Variants in ASCC3 observed in about 807,000 individuals in gnomAD.
ASCC3 encodes ASC-1 complex subunit P200.
A neutral mutation model predicts 256.3 loss-of-function variants in ASCC3; 158 were observed. The observed-to-expected ratio is 0.62, with a 90% CI of 0.54 to 0.70. ASCC3 has a LOEUF of 0.70. Ranked by LOEUF, ASCC3 falls within the 30% of genes least tolerant of loss-of-function variation. The probability of loss-of-function intolerance (pLI) is 0.00; values close to 1 mark genes in which losing one functional copy is unlikely to be tolerated. For synonymous variants in ASCC3, 948 were observed against 883.4 expected, an observed-to-expected ratio of 1.07 and a Z score of -1.30; for missense variants, 2,259 against 2,626.0, an observed-to-expected ratio of 0.86 and a Z score of 3.05.
intron 10 of ASCC3, among the ~76,000 whole-genome samples, chr6:100,735,751 A>G (rs1480910839): frequency 1.3e-5 from 2 of 152,202 alleles, no homozygotes; most frequent in Non-Finnish European, 2.9e-5. Context: ...ATTAAGTAAA[A>G]AAGACATAGT....
At chr6:100,782,922 G>C (rs948180245) in intron 8 of ASCC3, among the ~76,000 whole-genome samples, 2 of 151,884 alleles carry the variant, frequency 1.3e-5, no homozygotes, top group South Asian at 4.1e-4. Flanking sequence ...AAAGAAGTCA[G>C]GGACCTGGGA....
chr6:100,834,744 T>C (rs757540976), intron 4 of ASCC3, among the ~76,000 whole-genome samples: 3 of 152,138 alleles, frequency 2.0e-5, no homozygotes, highest in Non-Finnish European at 2.9e-5. Flanking sequence ...TTCAAAAATA[T>C]ATAATTATCA....
intron 37 of ASCC3, chr6:100,530,483 C>T (rs1370284045): frequency 1.3e-6 from 1 of 790,646 alleles, no homozygotes; most frequent in Admixed American, 1.7e-5. Flanking sequence ...AACAACTGTA[C>T]AATAGAGACA....
chr6:100,840,400 TCA>T (rs1772081879), intron 4 of ASCC3, among the ~76,000 whole-genome samples: 1 of 150,962 alleles, frequency 6.6e-6, no homozygotes, highest in Admixed American at 6.6e-5. Context: ...TGGTCATGAC[TCA>T]CTAAAGCCTC....
intron 36 of ASCC3, among the ~76,000 whole-genome samples, chr6:100,565,248 C>A (rs927861577): frequency 1.3e-5 from 2 of 152,052 alleles, no homozygotes; most frequent in Non-Finnish European, 2.9e-5. Context: ...AATGGGTTCC[C>A]GACTGTTTTG....
chr6:100,763,315 A>C (rs1293759017), intron 10 of ASCC3, among the ~76,000 whole-genome samples: 3 of 152,214 alleles, frequency 2.0e-5, no homozygotes, highest in Non-Finnish European at 4.4e-5. Context: ...CAATTAATAA[A>C]CTATTTCTGA....
intron 34 of ASCC3, among the ~76,000 whole-genome samples, chr6:100,598,481 C>A (rs989192384): frequency 9.2e-6 from 1 of 109,042 alleles, no homozygotes; most frequent in African/African-American, 3.3e-5. Flanking sequence ...AATTAATAAA[C>A]CTCTTAAGAT....
chr6:100,688,661 AT>A (rs1293490200), intron 13 of ASCC3, among the ~76,000 whole-genome samples: 1 of 152,090 alleles, frequency 6.6e-6, no homozygotes, highest in East Asian at 1.9e-4. Flanking sequence ...ATTTTTGACT[AT>A]TTTTGTGCTT....
intron 36 of ASCC3, among the ~76,000 whole-genome samples, chr6:100,546,288 C>G (rs1775713960): frequency 2.0e-5 from 3 of 152,048 alleles, no homozygotes; most frequent in African/African-American, 7.2e-5. Context: ...CTTAATTCTC[C>G]CAAATTGATC....
At chr6:100,627,195 A>G (rs1278840339) in intron 29 of ASCC3, among the ~76,000 whole-genome samples, 1 of 152,094 alleles carries the variant, frequency 6.6e-6, no homozygotes, top group Non-Finnish European at 1.5e-5. Flanking sequence ...AAAACTAAAA[A>G]CAGAAGCACT....
intron 37 of ASCC3, among the ~76,000 whole-genome samples, chr6:100,518,851 G>A (rs1774163532): frequency 6.6e-6 from 1 of 152,154 alleles, no homozygotes; most frequent in African/African-American, 2.4e-5. Context: ...TCTGGAGAAT[G>A]CTGACTTAAA....
intron 4 of ASCC3, among the ~76,000 whole-genome samples, chr6:100,825,664 G>A (rs542514701): frequency 5.9e-4 from 90 of 152,170 alleles, no homozygotes; most frequent in African/African-American, 2.2e-3. Context: ...GCTAGGTTGG[G>A]GAAGTTCTCC....
At chr6:100,518,495 A>G (rs980529944) in intron 37 of ASCC3, among the ~76,000 whole-genome samples, 1 of 152,176 alleles carries the variant, frequency 6.6e-6, no homozygotes, top group African/African-American at 2.4e-5. Context: ...GAACATTAGC[A>G]GCTGAATTTA....
intron 8 of ASCC3, among the ~76,000 whole-genome samples, chr6:100,785,838 T>A (rs1769046257): frequency 6.6e-6 from 1 of 152,174 alleles, no homozygotes; most frequent in Admixed American, 6.6e-5. Context: ...AGATGGACCT[T>A]AGAAATATAC....
At chr6:100,553,802 A>G (rs1769425181) in intron 36 of ASCC3, among the ~76,000 whole-genome samples, 1 of 152,218 alleles carries the variant, frequency 6.6e-6, no homozygotes, top group East Asian at 1.9e-4. Flanking sequence ...ACAAATCTCA[A>G]TCTGTTCTAC....
chr6:100,792,998 T>C (rs998013969), intron 8 of ASCC3, among the ~76,000 whole-genome samples: 2 of 152,042 alleles, frequency 1.3e-5, no homozygotes, highest in African/African-American at 4.8e-5. Context: ...TGTTCATTTA[T>C]GCTATTCAGC....
intron 23 of ASCC3, among the ~76,000 whole-genome samples, chr6:100,643,048 C>T (rs1291782175): frequency 6.6e-6 from 1 of 152,102 alleles, no homozygotes; most frequent in East Asian, 1.9e-4. Flanking sequence ...CATTCAATTA[C>T]ATAACTTCAT....
At chr6:100,563,746 TA>T (rs1770077748) in intron 36 of ASCC3, among the ~76,000 whole-genome samples, 1 of 152,284 alleles carries the variant, frequency 6.6e-6, no homozygotes, top group Admixed American at 6.5e-5. Context: ...AGAATAATGA[TA>T]CTTGTTATAT....
rs927648608 is a variant in ASCC3 at position 100,881,188 on chromosome 6, G to A, written c.-169C>T. 3 of 152,354 alleles carry A rather than the reference G, an allele frequency of 2.0e-5. No individual in the cohort carries two copies. Among genetic ancestry groups the A allele is most frequent in the Admixed American group, 6.5e-5 (1 of 15,290 alleles). 9.4% of individuals were successfully genotyped at this position (152,354 alleles called of 1,614,324 possible). A position where few individuals can be genotyped will look rare whatever the true frequency, so the allele number is the denominator to read the frequency against. ...TGAGCGCAGGGCCAAAGATGCGAGCGGGCAGCTGTATCGCCGCGCCCCGTC... is the reference window on the plus strand; with the variant it reads ...TGAGCGCAGGGCCAAAGATGCGAGCAGGCAGCTGTATCGCCGCGCCCCGTC... On this transcript the variant is annotated 5_prime_UTR_variant, in exon 1 of 42. Coordinates refer to ENST00000369162, the MANE Select transcript of ASCC3 (RefSeq NM_006828.4).
Sources: allele counts gnomAD v4.1 joint callset (sites outside exome capture counted in the v4.1 genomes callset), GRCh38; gene constraint gnomAD v4.1.1; transcripts MANE v1.5; gene names NCBI Gene and HGNC (gene_info 2026-07-23, HGNC 2026-07-21).